CASTOR2: variants seen among roughly 807,000 people sequenced by gnomAD.
The protein encoded by CASTOR2 is GATS protein like 2.
A neutral mutation model predicts 31.2 loss-of-function variants in CASTOR2; 8 were observed. That is an observed-to-expected ratio of 0.26 (90% CI 0.15 to 0.46). CASTOR2 has a LOEUF of 0.46. CASTOR2 is among the 20% of genes least tolerant of loss of function. The pLI, the probability that CASTOR2 is intolerant of heterozygous loss-of-function variation, is 0.99. For synonymous variants in CASTOR2, 162 were observed against 158.7 expected (o/e 1.02, Z -0.16); for missense variants, 216 against 382.1 (o/e 0.57, Z 3.62).
chr7:74,993,294 T>C (rs1376156008), intron 1 of CASTOR2, among the ~76,000 whole-genome samples: 3 of 152,022 alleles, frequency 2.0e-5, no homozygotes, highest in African/African-American at 4.8e-5. Flanking sequence ...GAGTTCCCCA[T>C]CCCTAGGTGT....
rs1236146222 is a variant in CASTOR2, at chr7:75,019,048, G to A, written c.588G>A (p.Leu196=). The A allele has an allele frequency of 3.9e-6, 6 of 1,551,802 alleles. No homozygotes were observed. Among genetic ancestry groups the A allele is most frequent in the Non-Finnish European group, 5.2e-6 (6 of 1,147,058 alleles). Residue 196 remains leucine, a synonymous_variant, in exon 5 of 9, where the codon CTG becomes CTA. Transcript: ENST00000616305. ...TCACCAGCCTGGACCCTGACACGCTGCCTGCTGTTGCCACACTCCTCATGG... is the reference window on the plus strand; with the variant it reads ...TCACCAGCCTGGACCCTGACACGCTACCTGCTGTTGCCACACTCCTCATGG... ...FCVTSLDPDT[L]PAVATLLMDV... is the part of the protein sequence containing the mutation.
At chr7:74,973,384 C>T (rs1176999719) in intron 1 of CASTOR2, among the ~76,000 whole-genome samples, 17 of 110,350 alleles carry the variant, frequency 1.5e-4, no homozygotes, top group South Asian at 3.5e-4. Flanking sequence ...TCTGTTGCCC[C>T]GGCTGGAGTG....
At chr7:74,969,900 ACAGTAC>A (rs1554434937) in intron 1 of CASTOR2, among the ~76,000 whole-genome samples, 3 of 138,976 alleles carry the variant, frequency 2.2e-5, no homozygotes, top group African/African-American at 7.8e-5. Flanking sequence ...CCACATCACC[ACAGTAC>A]CTACCAGTGG....
chr7:75,009,415 C>A (rs1351326947), intron 2 of CASTOR2, among the ~76,000 whole-genome samples: 1 of 151,054 alleles, frequency 6.6e-6, no homozygotes, highest in Non-Finnish European at 1.5e-5. Context: ...CTACAGGCGC[C>A]CGCCACCACG....
chr7:75,004,199 A>G (rs1458960362), intron 1 of CASTOR2, among the ~76,000 whole-genome samples: 1 of 152,124 alleles, frequency 6.6e-6, no homozygotes, highest in Non-Finnish European at 1.5e-5. Context: ...GGGGGTCCCT[A>G]GGAAGGGTCC....
At chr7:75,009,880 C>T (rs1396798648) in intron 2 of CASTOR2, among the ~76,000 whole-genome samples, 2 of 147,634 alleles carry the variant, frequency 1.4e-5, no homozygotes, top group Non-Finnish European at 3.0e-5. Context: ...CATGCAGGCA[C>T]TTAATTTTTT....
At chr7:75,018,503 C>T (rs1804917512) in intron 4 of CASTOR2, among the ~76,000 whole-genome samples, 1 of 152,026 alleles carries the variant, frequency 6.6e-6, no homozygotes, top group African/African-American at 2.4e-5. Flanking sequence ...TGTGCCATTG[C>T]ACTCCAGTCT....
chr7:75,002,893 G>A (rs1183550822), intron 1 of CASTOR2, among the ~76,000 whole-genome samples: 4 of 152,010 alleles, frequency 2.6e-5, no homozygotes, highest in South Asian at 2.1e-4. Context: ...TTCAAGACCC[G>A]CCTGGGCAAC....
intron 1 of CASTOR2, 124 bp from the exon 2 acceptor site, chr7:75,007,870 C>A: frequency 7.1e-7 from 1 of 1,401,542 alleles, no homozygotes; most frequent in Non-Finnish European, 1.0e-6. Context: ...CCCGCGGTCA[C>A]CCCAGCAGCC....
At chr7:75,017,489 G>T in intron 2 of CASTOR2, 109 bp from the exon 3 acceptor site, 1 of 1,317,428 alleles carries the variant, frequency 7.6e-7, no homozygotes. Flanking sequence ...AAGGCACAGG[G>T]TGGAGCTGGC....
chr7:74,982,559 T>C (rs1803971055), intron 1 of CASTOR2, among the ~76,000 whole-genome samples: 1 of 128,080 alleles, frequency 7.8e-6, no homozygotes, highest in South Asian at 2.8e-4. Flanking sequence ...GTGTATGGGC[T>C]GGGCGTGGTG....
At chr7:75,024,085 C>T (rs927869394) in intron 7 of CASTOR2, among the ~76,000 whole-genome samples, 1 of 151,972 alleles carries the variant, frequency 6.6e-6, no homozygotes, top group African/African-American at 2.4e-5. Flanking sequence ...TACAGCAGTT[C>T]GATACCAGCC....
intron 2 of CASTOR2, among the ~76,000 whole-genome samples, chr7:75,009,375 C>T (rs1804680104): frequency 7.3e-6 from 1 of 136,286 alleles, no homozygotes; most frequent in African/African-American, 2.8e-5. Flanking sequence ...TCACACCATT[C>T]TCCTGCCTCA....
Position 74,972,702 on chromosome 7 carries a change from C to T in CASTOR2, c.113+7604C>T, listed in dbSNP as rs587746367. ...TTTGTTTGTTTGTTTGTTTTTGAGA[C>T]AGAGTCTTGCTCTGTCGCCCAGCCT... On this transcript the variant is annotated intron_variant, in intron 1 of 8. Coordinates refer to ENST00000616305, the MANE Select transcript of CASTOR2 (RefSeq NM_001145064.3). Among the ~76,000 whole-genome samples the T allele has an allele frequency of 7.6e-4, 114 of 150,770 alleles. 5 individuals carry two copies. Among genetic ancestry groups the T allele is most frequent in the Admixed American group, 2.1e-3 (32 of 15,048 alleles).
intron 2 of CASTOR2, among the ~76,000 whole-genome samples, chr7:75,010,295 G>A (rs1204753497): frequency 1.3e-5 from 2 of 152,118 alleles, no homozygotes; most frequent in African/African-American, 4.8e-5. Flanking sequence ...GCAGAAGCAA[G>A]GGCCAGGTCC....
chr7:75,001,901 G>A (rs1804505980), intron 1 of CASTOR2, among the ~76,000 whole-genome samples: 1 of 152,116 alleles, frequency 6.6e-6, no homozygotes. Context: ...CTTCACATAG[G>A]ACTGTGAGAT....
chr7:75,009,774 G>C (rs1804695883), intron 2 of CASTOR2, among the ~76,000 whole-genome samples: 1 of 151,814 alleles, frequency 6.6e-6, no homozygotes, highest in Non-Finnish European at 1.5e-5. Flanking sequence ...GGGCTTGCCT[G>C]GAAGAGGAGG....
At chr7:75,009,588 AAAAATT>A (rs1225572046) in intron 2 of CASTOR2, among the ~76,000 whole-genome samples, 20 of 152,096 alleles carry the variant, frequency 1.3e-4, no homozygotes, top group South Asian at 2.1e-4. Flanking sequence ...ATTTCTGAAA[AAAAATT>A]AAAATTAAAA....
chr7:75,012,793 T>C (rs1804784209), intron 2 of CASTOR2, among the ~76,000 whole-genome samples: 1 of 151,076 alleles, frequency 6.6e-6, no homozygotes, highest in African/African-American at 2.4e-5. Flanking sequence ...CATGCACCGC[T>C]ATGCCCAGCT....
Sources: allele counts gnomAD v4.1 joint callset (sites outside exome capture counted in the v4.1 genomes callset), GRCh38; gene constraint gnomAD v4.1.1; transcripts MANE v1.5; gene names NCBI Gene and HGNC (gene_info 2026-07-23, HGNC 2026-07-21).